Variants in CLPB observed in about 807,000 individuals in gnomAD.
CLPB encodes the protein ClpB family mitochondrial disaggregase.
In CLPB, 40 loss-of-function variants were observed where a neutral mutation model predicts 78.4. The ratio of observed to expected loss-of-function variants is 0.51; its 90% CI spans 0.40 to 0.66. CLPB has a LOEUF of 0.66. Ranked by LOEUF, CLPB falls within the 30% of genes least tolerant of loss-of-function variation. The pLI is 0.00. For synonymous variants in CLPB, 333 were observed against 348.0 expected, an observed-to-expected ratio of 0.96 and a Z score of 0.48; for missense variants, 780 against 886.9, an observed-to-expected ratio of 0.88 and a Z score of 1.53.
intron 3 of CLPB, among the ~76,000 whole-genome samples, chr11:72,383,023 A>C (rs1854962600): frequency 6.6e-6 from 1 of 151,894 alleles, no homozygotes. Context: ...TATTTTTTTA[A>C]AAAACATCAA....
At position 72,358,935 on chromosome 11, in the gene CLPB, C is replaced by T. The variant is rs762289381; in HGVS notation, c.720G>A (p.Leu240=). 3 of 1,612,854 alleles carry T rather than the reference C, an allele frequency of 1.9e-6. No homozygotes were observed. Among genetic ancestry groups the T allele is most frequent in the African/African-American group, 1.3e-5 (1 of 74,468 alleles). ...AGTCATCAGCAAGAACAGCATAGTG[C>T]AAGGCCGTGCAGCCCTTGAAACTGG... is the stretch of plus-strand genomic sequence containing the variant. ...NRASFKGCTA[L]HYAVLADDYR... Residue 240 remains leucine (L), a synonymous_variant, in exon 5 of 16, where the codon TTG becomes TTA. Coordinates refer to ENST00000538039, the MANE Select transcript of CLPB (RefSeq NM_001258392.3).
At chr11:72,310,160 A>G (rs892726433) in intron 7 of CLPB, among the ~76,000 whole-genome samples, 1 of 152,214 alleles carries the variant, frequency 6.6e-6, no homozygotes, top group African/African-American at 2.4e-5. Flanking sequence ...TTCAGCCTCA[A>G]GCCAGTGGTC....
In CLPB at chr11:72,409,574, G is replaced by C. The variant is rs188122370; in HGVS notation, c.456-6522C>G. On this transcript the variant is annotated intron_variant, in intron 2 of 15. Transcript: ENST00000538039. ...ACTACAGCCTGGGCAACAGAGAGAGGCTCCATGTCAAAAACAAAAAAAAAG... is the reference window on the plus strand; with the variant it reads ...ACTACAGCCTGGGCAACAGAGAGAGCCTCCATGTCAAAAACAAAAAAAAAG... 3.3e-5 allele frequency among the ~76,000 whole-genome samples: 5 copies of C among 151,770 alleles called. No homozygotes were observed. In the East Asian group the frequency reaches 9.7e-4, roughly 30 times the overall value.
chr11:72,318,126 A>G (rs1422582388), intron 6 of CLPB, among the ~76,000 whole-genome samples: 4 of 152,240 alleles, frequency 2.6e-5, no homozygotes, highest in Admixed American at 6.5e-5. Flanking sequence ...CTCTAAATCA[A>G]TTATGAGCTC....
intron 1 of CLPB, among the ~76,000 whole-genome samples, chr11:72,433,493 T>C (rs1028894965): frequency 6.6e-6 from 1 of 151,518 alleles, no homozygotes; most frequent in Admixed American, 6.6e-5. Context: ...TGGGCCGAGA[T>C]TGCGCCACTG....
At chr11:72,381,873 A>G (rs1351927340) in intron 3 of CLPB, among the ~76,000 whole-genome samples, 2 of 151,350 alleles carry the variant, frequency 1.3e-5, no homozygotes, top group East Asian at 1.9e-4. Flanking sequence ...GCGGCCCCAC[A>G]CTCCAGGCCT....
chr11:72,428,709 C>G (rs1255873367), intron 2 of CLPB: 1 of 152,270 alleles, frequency 6.6e-6, no homozygotes, highest in Admixed American at 6.5e-5. Context: ...AGGAGAAAAG[C>G]AGGCTAGAGC....
At position 72,288,501 on chromosome 11, in the gene CLPB, A is replaced by AAAAC. The variant is rs1949415494; in HGVS notation, c.*4862_*4865dup. Reference sequence around the variant, plus strand: ...AAGACTCTGTCTCAAAAAACAAAACAAAACAAAAGAAATCTGGGTCTCACC... The same window carrying AAAAC: ...AAGACTCTGTCTCAAAAAACAAAACAAAACAAACAAAAGAAATCTGGGTCTCACC... On this transcript the variant is annotated 3_prime_UTR_variant, in exon 16 of 16. Transcript: ENST00000538039. 6.6e-6 allele frequency: 1 copy of AAAAC among 152,478 alleles called. No individual in the cohort carries two copies. The highest frequency in any genetic ancestry group is 2.4e-5 in the African/African-American group (1 of 41,550). The allele number at this position is 152,478 out of a possible 1,614,324, so 9.4% of individuals were successfully genotyped here. A position where few individuals can be genotyped will look rare whatever the true frequency, so the allele number is the denominator to read the frequency against.
chr11:72,315,646 C>A (rs2135525010), intron 7 of CLPB, among the ~76,000 whole-genome samples: 1 of 152,312 alleles, frequency 6.6e-6, no homozygotes, highest in Middle Eastern at 3.4e-3. Context: ...GTTGATGTGA[C>A]CGAAATTGGT....
chr11:72,314,017 T>A (rs983978463), intron 7 of CLPB, among the ~76,000 whole-genome samples: 1 of 152,194 alleles, frequency 6.6e-6, no homozygotes, highest in Non-Finnish European at 1.5e-5. Flanking sequence ...CTAGATGTAT[T>A]TCTCAGATGA....
intron 3 of CLPB, 60 bp downstream of exon 3, chr11:72,402,906 C>T (rs1049154055): frequency 5.0e-5 from 72 of 1,439,042 alleles, no homozygotes; most frequent in Non-Finnish European, 5.2e-5. Context: ...GGAGAGTGCT[C>T]AGGAGCACAG....
intron 7 of CLPB, among the ~76,000 whole-genome samples, chr11:72,311,307 T>C (rs1275651764): frequency 1.3e-5 from 2 of 151,830 alleles, no homozygotes; most frequent in Non-Finnish European, 2.9e-5. Context: ...ACGTGGGAGG[T>C]GGCCATAGTT....
Position 72,288,659 on chromosome 11 carries a change from C to T in CLPB, c.*4708G>A, listed in dbSNP as rs1312084321. The T allele has an allele frequency of 6.6e-6, 1 of 152,246 alleles. No individual in the cohort carries two copies. The highest frequency in any genetic ancestry group is 2.4e-5 in the African/African-American group (1 of 41,448). The allele number at this position is 152,246 out of a possible 1,614,324, so 9.4% of individuals were successfully genotyped here. On this transcript the variant is annotated 3_prime_UTR_variant, in exon 16 of 16. Coordinates refer to ENST00000538039, the MANE Select transcript of CLPB (RefSeq NM_001258392.3). ...ATCTGCACTTGCTGCAGGTCCCATC[C>T]ACTCACCCAAGTATAATAATAAAGG...
At chr11:72,387,254 A>C (rs1855106071) in intron 3 of CLPB, among the ~76,000 whole-genome samples, 2 of 152,230 alleles carry the variant, frequency 1.3e-5, no homozygotes, top group Admixed American at 1.3e-4. Flanking sequence ...AGGAAGGATG[A>C]AATTAGAAAA....
intron 7 of CLPB, 116 bp from the exon 8 acceptor site, chr11:72,308,720 C>A: frequency 1.1e-6 from 1 of 892,482 alleles, no homozygotes; most frequent in Non-Finnish European, 1.8e-6. Context: ...TGCGCCCACT[C>A]AAAGTCCTCA....
chr11:72,405,001 G>T (rs1170443696), intron 2 of CLPB, among the ~76,000 whole-genome samples: 1 of 152,184 alleles, frequency 6.6e-6, no homozygotes, highest in East Asian at 1.9e-4. Flanking sequence ...ACGTGATATG[G>T]TAGAGAGCGC....
intron 4 of CLPB, among the ~76,000 whole-genome samples, chr11:72,369,064 G>A (rs1950995986): frequency 1.3e-5 from 2 of 152,138 alleles, no homozygotes; most frequent in South Asian, 4.1e-4. Flanking sequence ...TCCATGAAAG[G>A]GAAGGGGGAG....
chr11:72,307,173 G>T (rs201616657), intron 9 of CLPB, 26 bp downstream of exon 9: 2 of 1,609,694 alleles, frequency 1.2e-6, no homozygotes, highest in East Asian at 2.2e-5. Context: ...ACGATCTGCA[G>T]ATCAGACCTA....
intron 2 of CLPB, among the ~76,000 whole-genome samples, chr11:72,422,878 C>T (rs1434997984): frequency 1.3e-5 from 2 of 152,176 alleles, no homozygotes; most frequent in Non-Finnish European, 2.9e-5. Context: ...ACATTCTGGA[C>T]ACCTCAATCC....
Sources: allele counts gnomAD v4.1 joint callset (sites outside exome capture counted in the v4.1 genomes callset), GRCh38; gene constraint gnomAD v4.1.1; transcripts MANE v1.5; gene names NCBI Gene and HGNC (gene_info 2026-07-23, HGNC 2026-07-21).